The following ACSL4 variants were observed in gnomAD, a reference collection of about 807,000 sequenced individuals.
The protein encoded by ACSL4 is acyl-CoA synthetase long chain family member 4, also known as long-chain-fatty-acid--CoA ligase 4.
Under a neutral mutation model 49.1 loss-of-function variants are expected in ACSL4, and 9 were observed. The ratio of observed to expected loss-of-function variants is 0.18; its 90% CI spans 0.11 to 0.32. The LOEUF (loss-of-function observed/expected upper bound fraction) is 0.32, where lower values mean the gene tolerates loss of function less well. Ranked by LOEUF, ACSL4 falls within the 10% of genes least tolerant of loss-of-function variation. The probability of loss-of-function intolerance (pLI) is 1.00; values close to 1 mark genes in which losing one functional copy is unlikely to be tolerated. For synonymous variants in ACSL4, 191 were observed against 170.3 expected, an observed-to-expected ratio of 1.12 and a Z score of -0.95; for missense variants, 333 against 493.7, an observed-to-expected ratio of 0.67 and a Z score of 3.08.
At chrX:109,693,438 G>C in intron 2 of ACSL4, among the ~76,000 whole-genome samples, 1 of 111,887 alleles carries the variant, frequency 8.9e-6, no homozygotes, top group East Asian at 2.8e-4. Context: ...AAAGACAGCA[G>C]ATAATTCAAA....
At chrX:109,696,415 ACT>A (rs967921489) in intron 1 of ACSL4, among the ~76,000 whole-genome samples, 1 of 111,752 alleles carries the variant, frequency 8.9e-6, no homozygotes, top group African/African-American at 3.3e-5. Flanking sequence ...AGTAGTTGAA[ACT>A]CTATGGAAAA....
intron 1 of ACSL4, among the ~76,000 whole-genome samples, chrX:109,715,540 T>G (rs1026443407): frequency 1.5e-4 from 17 of 110,566 alleles, no homozygotes; most frequent in African/African-American, 5.6e-4. Flanking sequence ...CTTGGGAGGC[T>G]GAGGCAGGAG....
Position 109,667,604 on chromosome X carries a change from T to G in ACSL4, c.1315+497A>C, listed in dbSNP as rs186712296. ...GAGGACCGACTGTGTGGCATAAATA[T>G]TTATAAGGCGACCGGGCGTGGTGGC... On this transcript the variant is annotated intron_variant, in intron 11 of 15. Coordinates refer to ENST00000672401, the MANE Select transcript of ACSL4 (RefSeq NM_001318510.2). Among the ~76,000 whole-genome samples the G allele has an allele frequency of 7.1e-5, 8 of 112,378 alleles. No homozygotes were observed. The East Asian group carries it at 2.2e-3, about 31-fold the overall frequency.
At chrX:109,667,397 G>A (rs780146551) in intron 11 of ACSL4, among the ~76,000 whole-genome samples, 1 of 112,543 alleles carries the variant, frequency 8.9e-6, no homozygotes, top group Non-Finnish European at 1.9e-5. Context: ...AACAGTGTCA[G>A]GGTTGGGAAA....
intron 1 of ACSL4, among the ~76,000 whole-genome samples, chrX:109,728,707 T>A (rs1341097893): frequency 8.9e-6 from 1 of 112,349 alleles, no homozygotes; most frequent in African/African-American, 3.2e-5. Context: ...ATGGATGTTA[T>A]ACAGAACAGA....
At chrX:109,694,425 T>C (rs769875234) in intron 2 of ACSL4, among the ~76,000 whole-genome samples, 1 of 111,848 alleles carries the variant, frequency 8.9e-6, no homozygotes, top group African/African-American at 3.2e-5. Context: ...AACCTCTCAA[T>C]GTCTGTTTCC....
In ACSL4 at chrX:109,661,545, A is replaced by G; in HGVS notation, c.1683T>C (p.Cys561=). 1.7e-6 allele frequency: 2 copies of G among 1,207,014 alleles called. No individual in the cohort carries two copies. The highest frequency in any genetic ancestry group is 2.2e-6 in the Non-Finnish European group (2 of 891,403). The change falls in exon 14 of 16, where the codon TGT becomes TGC. Residue 561 remains cysteine (C), a synonymous_variant. Coordinates refer to ENST00000672401, the MANE Select transcript of ACSL4 (RefSeq NM_001318510.2). ...LKNCPLIDNI[C]AFAKSDQSYV... Reference sequence around the variant, plus strand: ...TGGAAAGTTACCTTTTGGCAAAAGCACAGATGTTGTCAATAAGTGGACAAT... The same window carrying G: ...TGGAAAGTTACCTTTTGGCAAAAGCGCAGATGTTGTCAATAAGTGGACAAT...
intron 2 of ACSL4, chrX:109,685,398 A>C (rs1603406039): frequency 1.8e-5 from 2 of 111,226 alleles, no homozygotes; most frequent in East Asian, 5.6e-4. Flanking sequence ...ACCCGGCCCA[A>C]GAATAGGAAC....
intron 9 of ACSL4, among the ~76,000 whole-genome samples, chrX:109,670,402 T>C (rs895696743): frequency 9.2e-6 from 1 of 109,254 alleles, no homozygotes; most frequent in African/African-American, 3.3e-5. Context: ...CTGGCCAAGA[T>C]GGTGAAACCC....
intron 15 of ACSL4, among the ~76,000 whole-genome samples, chrX:109,644,844 A>G (rs981261379): frequency 6.2e-5 from 7 of 113,456 alleles, no homozygotes; most frequent in African/African-American, 1.9e-4. Context: ...GAGCCGAAGC[A>G]GGGCGAGGCA....
intron 11 of ACSL4, among the ~76,000 whole-genome samples, chrX:109,666,221 G>C (rs1413198679): frequency 8.9e-6 from 1 of 112,249 alleles, no homozygotes; most frequent in Non-Finnish European, 1.9e-5. Context: ...CACAATAGTA[G>C]CTTAGAGACT....
chrX:109,726,129 A>T (rs139996962), intron 1 of ACSL4, among the ~76,000 whole-genome samples: 3 of 112,502 alleles, frequency 2.7e-5, no homozygotes, highest in Admixed American at 9.4e-5. Context: ...TTAAAAACAA[A>T]TACAAGCAGG....
At chrX:109,709,935 G>A (rs1233235369) in intron 1 of ACSL4, among the ~76,000 whole-genome samples, 6 of 111,018 alleles carry the variant, frequency 5.4e-5, no homozygotes, top group African/African-American at 1.3e-4. Context: ...GAGAAAACCC[G>A]TCTCTACTAA....
chrX:109,706,231 T>C (rs1388382270), intron 1 of ACSL4, among the ~76,000 whole-genome samples: 2 of 112,302 alleles, frequency 1.8e-5, no homozygotes, highest in Admixed American at 9.4e-5. Context: ...CCCCACTCCA[T>C]GACTAAGAAG....
intron 1 of ACSL4, among the ~76,000 whole-genome samples, chrX:109,726,994 G>A (rs1364415397): frequency 2.7e-5 from 3 of 111,052 alleles, no homozygotes; most frequent in Non-Finnish European, 5.7e-5. Context: ...TGGGATTATA[G>A]GCGTGAGCTG....
At chrX:109,657,631 G>A (rs1921792044) in intron 15 of ACSL4, among the ~76,000 whole-genome samples, 1 of 111,239 alleles carries the variant, frequency 9.0e-6, no homozygotes, top group South Asian at 3.8e-4. Flanking sequence ...TGGATATCTG[G>A]GTTGGTTCCA....
chrX:109,717,353 G>A (rs1423110614), intron 1 of ACSL4, among the ~76,000 whole-genome samples: 4 of 110,102 alleles, frequency 3.6e-5, no homozygotes, highest in Non-Finnish European at 7.6e-5. Flanking sequence ...AAAATTACCT[G>A]GGCAAGGTGG....
intron 8 of ACSL4, among the ~76,000 whole-genome samples, chrX:109,676,999 G>A (rs1444254939): frequency 9.3e-6 from 1 of 107,755 alleles, no homozygotes; most frequent in Non-Finnish European, 1.9e-5. Flanking sequence ...TCGCTCTGTC[G>A]CCCAGGCTGG....
intron 1 of ACSL4, among the ~76,000 whole-genome samples, chrX:109,701,313 T>C (rs1233801792): frequency 9.4e-6 from 1 of 106,770 alleles, no homozygotes; most frequent in Non-Finnish European, 1.9e-5. Flanking sequence ...ACTTCCCAGG[T>C]TCAAGCGATT....
Sources: allele counts gnomAD v4.1 joint callset (sites outside exome capture counted in the v4.1 genomes callset), GRCh38; gene constraint gnomAD v4.1.1; transcripts MANE v1.5; gene names NCBI Gene and HGNC (gene_info 2026-07-23, HGNC 2026-07-21).